PLPPR1: variants seen among roughly 807,000 people sequenced by gnomAD.
PLPPR1 encodes the protein phospholipid phosphatase related 1, also known as phospholipid phosphatase-related protein type 1.
PLPPR1 carries 10 observed loss-of-function variants against 33.1 expected under a neutral mutation model. The observed-to-expected ratio is 0.30, with a 90% CI of 0.19 to 0.51. PLPPR1 has a LOEUF of 0.51. Ranked by LOEUF, PLPPR1 falls within the 20% of genes least tolerant of loss-of-function variation. PLPPR1 has a pLI of 0.97. For synonymous variants in PLPPR1, 151 were observed against 151.0 expected (o/e 1.00, Z 0.00); for missense variants, 304 against 408.1 (o/e 0.74, Z 2.20).
intron 1 of PLPPR1, among the ~76,000 whole-genome samples, chr9:101,106,903 C>T (rs1830977890): frequency 1.5e-5 from 1 of 66,714 alleles, no homozygotes; most frequent in Non-Finnish European, 2.7e-5. Context: ...TTCATTTCAT[C>T]TTCCATCGCT....
chr9:101,272,314 T>TCAAA (rs1828116010), intron 3 of PLPPR1, among the ~76,000 whole-genome samples: 1 of 152,158 alleles, frequency 6.6e-6, no homozygotes, highest in African/African-American at 2.4e-5. Context: ...ATAAGAAATC[T>TCAAA]CAAACAATAT....
intron 1 of PLPPR1, among the ~76,000 whole-genome samples, chr9:101,087,191 A>T (rs12340443): frequency 0.36 from 53,934 of 150,574 alleles, 9,931 homozygotes; most frequent in Non-Finnish European, 0.41. Flanking sequence ...CAAAAAAAAA[A>T]AAATAAAATA....
intron 4 of PLPPR1, 49 bp from the exon 5 acceptor site, chr9:101,309,162 A>C (rs769045398): frequency 5.0e-6 from 8 of 1,599,536 alleles, no homozygotes; most frequent in Non-Finnish European, 6.8e-6. Flanking sequence ...AGAAAAATGC[A>C]ATTGACAGAG....
chr9:101,221,316 A>G (rs1275717847), intron 2 of PLPPR1, among the ~76,000 whole-genome samples: 1 of 152,118 alleles, frequency 6.6e-6, no homozygotes, highest in Non-Finnish European at 1.5e-5. Flanking sequence ...TTTGCTTGAC[A>G]TTGCTGGAAA....
chr9:101,153,219 T>C (rs1831618916), intron 1 of PLPPR1, among the ~76,000 whole-genome samples: 1 of 152,212 alleles, frequency 6.6e-6, no homozygotes, highest in Non-Finnish European at 1.5e-5. Flanking sequence ...TGTGTAAGAA[T>C]GCTTGTGATT....
chr9:101,284,644 C>T lies in PLPPR1; in HGVS notation c.253-1460C>T, dbSNP rs576059119. On this transcript the variant is annotated intron_variant, in intron 3 of 7. Transcript: ENST00000374874. The stretch of plus-strand genomic sequence containing the variant: ...CAGATACTATCTGTCTGTGTGTGTC[C>T]GAGTTCCTGAAACCCATAAAGGGAG... 9.2e-5 allele frequency among the ~76,000 whole-genome samples: 14 copies of T among 152,176 alleles called. No individual in the cohort carries two copies. The East Asian group carries it at 1.7e-3, about 19-fold the overall frequency.
intron 1 of PLPPR1, among the ~76,000 whole-genome samples, chr9:101,155,099 T>C (rs2118658743): frequency 7.5e-6 from 1 of 133,978 alleles, no homozygotes; most frequent in South Asian, 2.5e-4. Flanking sequence ...ACACTAAAAC[T>C]TAAAGTATAA....
chr9:101,042,880 C>T (rs1830092473), intron 1 of PLPPR1, among the ~76,000 whole-genome samples: 2 of 152,252 alleles, frequency 1.3e-5, no homozygotes, highest in South Asian at 4.1e-4. Flanking sequence ...TCTGACTTTT[C>T]CCTAATCTTC....
chr9:101,264,954 G>A (rs1480722157), intron 2 of PLPPR1, among the ~76,000 whole-genome samples: 1 of 152,038 alleles, frequency 6.6e-6, no homozygotes, highest in Non-Finnish European at 1.5e-5. Context: ...TACTGCCCTG[G>A]ACACACAGGC....
chr9:101,281,609 GAATA>G (rs983534657), intron 3 of PLPPR1, among the ~76,000 whole-genome samples: 12 of 151,600 alleles, frequency 7.9e-5, no homozygotes, highest in African/African-American at 2.7e-4. Flanking sequence ...AATAAAATAA[GAATA>G]AATAGAGACT....
chr9:101,183,140 G>A (rs1007225744), intron 1 of PLPPR1, among the ~76,000 whole-genome samples: 1 of 151,672 alleles, frequency 6.6e-6, no homozygotes, highest in Non-Finnish European at 1.5e-5. Context: ...TCTCTTAGGT[G>A]TCTAATATCC....
At chr9:101,038,983 A>G (rs1830044475) in intron 1 of PLPPR1, among the ~76,000 whole-genome samples, 1 of 152,058 alleles carries the variant, frequency 6.6e-6, no homozygotes, top group South Asian at 2.1e-4. Flanking sequence ...ATTGGTAGAG[A>G]TTTATTTTTC....
chr9:101,113,527 G>T (rs1024900171), intron 1 of PLPPR1, among the ~76,000 whole-genome samples: 1 of 151,672 alleles, frequency 6.6e-6, no homozygotes, highest in Non-Finnish European at 1.5e-5. Context: ...TGTACCCAGG[G>T]CACTACAATT....
intron 1 of PLPPR1, among the ~76,000 whole-genome samples, chr9:101,040,531 C>T (rs1444335860): frequency 6.6e-6 from 1 of 152,072 alleles, no homozygotes; most frequent in Non-Finnish European, 1.5e-5. Context: ...ATCAAACATC[C>T]CAAACATACT....
chr9:101,217,092 T>C (rs1301348315), intron 2 of PLPPR1, among the ~76,000 whole-genome samples: 1 of 152,170 alleles, frequency 6.6e-6, no homozygotes, highest in Non-Finnish European at 1.5e-5. Flanking sequence ...TACTATACAT[T>C]AAAATTAATG....
chr9:101,114,336 A>G (rs1831093844), intron 1 of PLPPR1, among the ~76,000 whole-genome samples: 1 of 152,188 alleles, frequency 6.6e-6, no homozygotes, highest in Non-Finnish European at 1.5e-5. Context: ...CATCCTAGTA[A>G]ATGGTGTATC....
chr9:101,296,727 A>G lies in PLPPR1; in HGVS notation c.385+10491A>G, dbSNP rs540051828. On this transcript the variant is annotated intron_variant, in intron 4 of 7. Transcript: ENST00000374874. The stretch of plus-strand genomic sequence containing the variant: ...AACCAAACACCGTATATTTTCACTC[A>G]TAGGTGGGAATTGAACAATGAGAAC... Among the ~76,000 whole-genome samples, 923 of 152,136 alleles carry G rather than the reference A, an allele frequency of 6.1e-3. 7 individuals are homozygous for G. The highest frequency in any genetic ancestry group is 9.3e-3 in the Non-Finnish European group (634 of 68,010).
At chr9:101,237,670 A>G in intron 2 of PLPPR1, among the ~76,000 whole-genome samples, 1 of 144,470 alleles carries the variant, frequency 6.9e-6, no homozygotes, top group Admixed American at 7.0e-5. Context: ...AAATTCCATC[A>G]TATATATACA....
intron 1 of PLPPR1, among the ~76,000 whole-genome samples, chr9:101,066,212 G>A (rs1830411613): frequency 6.6e-6 from 1 of 151,964 alleles, no homozygotes; most frequent in African/African-American, 2.4e-5. Flanking sequence ...TTTCTCATGA[G>A]TAACAGGACT....
Sources: gnomAD v4.1 joint callset for allele counts (sites outside exome capture counted in the v4.1 genomes callset) on GRCh38, gnomAD v4.1.1 for gene constraint, MANE v1.5 for transcripts, NCBI Gene and HGNC (gene_info 2026-07-23, HGNC 2026-07-21) for gene names.